The following SUGCT variants were observed in gnomAD, a reference collection of about 807,000 sequenced individuals.
SUGCT encodes the protein succinyl-CoA:glutarate CoA-transferase.
SUGCT carries 41 observed loss-of-function variants against 55.0 expected under a neutral mutation model. The observed-to-expected ratio is 0.74, with a 90% CI of 0.58 to 0.97. SUGCT has a LOEUF of 0.97. Among genes scored for constraint, SUGCT ranks in the 50% least tolerant of loss-of-function variants. The probability of loss-of-function intolerance (pLI) is 0.00; values close to 1 mark genes in which losing one functional copy is unlikely to be tolerated. For synonymous variants in SUGCT, 187 were observed against 200.4 expected (o/e 0.93, Z 0.56); for missense variants, 568 against 547.8 (o/e 1.04, Z -0.37).
At chr7:40,193,278 G>A (rs1282212977) in intron 5 of SUGCT, among the ~76,000 whole-genome samples, 10 of 104,960 alleles carry the variant, frequency 9.5e-5, no homozygotes, top group African/African-American at 3.6e-4. Flanking sequence ...GCCAATTACT[G>A]TGTTTTTTTT....
chr7:40,660,670 C>T (rs542748661), intron 12 of SUGCT, among the ~76,000 whole-genome samples: 6 of 152,166 alleles, frequency 3.9e-5, no homozygotes, highest in Non-Finnish European at 8.8e-5. Context: ...TTCATTCAGG[C>T]GGGCATACCT....
chr7:40,384,957 G>T (rs1419673788), intron 9 of SUGCT, among the ~76,000 whole-genome samples: 1 of 151,974 alleles, frequency 6.6e-6, no homozygotes, highest in Non-Finnish European at 1.5e-5. Context: ...TGTCCTCAAG[G>T]GCCTTTTCTT....
chr7:40,432,646 G>C (rs186206717), intron 9 of SUGCT, among the ~76,000 whole-genome samples: 1 of 135,286 alleles, frequency 7.4e-6, no homozygotes, highest in African/African-American at 2.8e-5. Context: ...AGATTGTGCC[G>C]CTGCACTCCA....
chr7:40,794,381 A>G (rs1410083177), intron 13 of SUGCT, among the ~76,000 whole-genome samples: 1 of 152,140 alleles, frequency 6.6e-6, no homozygotes, highest in Non-Finnish European at 1.5e-5. Context: ...TTAAATTCTC[A>G]AGGAAATTAT....
intron 9 of SUGCT, among the ~76,000 whole-genome samples, chr7:40,342,921 G>A (rs1204322010): frequency 6.6e-6 from 1 of 152,208 alleles, no homozygotes; most frequent in Non-Finnish European, 1.5e-5. Flanking sequence ...GGGATTACAG[G>A]CATGGGCCAC....
intron 12 of SUGCT, among the ~76,000 whole-genome samples, chr7:40,622,522 G>C (rs1331634495): frequency 8.2e-6 from 1 of 121,942 alleles, no homozygotes; most frequent in Non-Finnish European, 1.7e-5. Context: ...CATGTTTGTT[G>C]TGGTTGTTTT....
intron 12 of SUGCT, among the ~76,000 whole-genome samples, chr7:40,519,095 G>A (rs1288020991): frequency 6.6e-6 from 1 of 152,004 alleles, no homozygotes. Flanking sequence ...TTTTGCGATA[G>A]TATCTCCAAA....
intron 12 of SUGCT, among the ~76,000 whole-genome samples, chr7:40,550,766 T>C (rs985772063): frequency 2.0e-5 from 3 of 152,210 alleles, no homozygotes; most frequent in African/African-American, 7.2e-5. Flanking sequence ...CATTGTTCTG[T>C]TCTTTTTCCA....
At chr7:40,702,143 C>T (rs1785196115) in intron 12 of SUGCT, among the ~76,000 whole-genome samples, 1 of 152,198 alleles carries the variant, frequency 6.6e-6, no homozygotes, top group African/African-American at 2.4e-5. Flanking sequence ...CTGCCTGAGG[C>T]AGGGTGTTTG....
chr7:40,870,006 T>G, the SUGCT span, among the ~76,000 whole-genome samples: 1 of 152,208 alleles, frequency 6.6e-6, no homozygotes, highest in East Asian at 1.9e-4. Flanking sequence ...CAAGTTCCCC[T>G]TAAAAGTCCT....
chr7:40,775,954 G>C (rs745854857), intron 13 of SUGCT, among the ~76,000 whole-genome samples: 4 of 152,128 alleles, frequency 2.6e-5, no homozygotes, highest in Admixed American at 6.5e-5. Context: ...AATCTATTCT[G>C]TTAAGACATA....
chr7:40,468,773 C>T (rs1438071438), intron 11 of SUGCT, among the ~76,000 whole-genome samples: 3 of 152,214 alleles, frequency 2.0e-5, no homozygotes, highest in Admixed American at 1.3e-4. Context: ...TTTCAAACAG[C>T]GCAGGGAGGG....
At chr7:40,354,388 A>G (rs1464275588) in intron 9 of SUGCT, among the ~76,000 whole-genome samples, 3 of 152,124 alleles carry the variant, frequency 2.0e-5, no homozygotes, top group Non-Finnish European at 4.4e-5. Context: ...ACAAGAAGGA[A>G]ATGTACTTCC....
At chr7:40,557,383 C>T (rs1795605988) in intron 12 of SUGCT, among the ~76,000 whole-genome samples, 1 of 152,088 alleles carries the variant, frequency 6.6e-6, no homozygotes, top group Non-Finnish European at 1.5e-5. Context: ...GTGGATTTGG[C>T]AATGATTTCT....
chr7:40,571,450 G>A (rs1268773224), intron 12 of SUGCT, among the ~76,000 whole-genome samples: 1 of 151,958 alleles, frequency 6.6e-6, no homozygotes, highest in Non-Finnish European at 1.5e-5. Flanking sequence ...TTCTAAATTT[G>A]GTAAATGCAT....
At chr7:40,420,212 G>A (rs984188703) in intron 9 of SUGCT, among the ~76,000 whole-genome samples, 2 of 152,294 alleles carry the variant, frequency 1.3e-5, no homozygotes, top group South Asian at 2.1e-4. Flanking sequence ...ATTGGGGTAT[G>A]TTGCTGTTAC....
At chr7:40,509,355 G>A (rs959849497) in intron 12 of SUGCT, among the ~76,000 whole-genome samples, 2 of 152,030 alleles carry the variant, frequency 1.3e-5, no homozygotes, top group African/African-American at 4.8e-5. Flanking sequence ...CTGTCTTTGG[G>A]GCTATGTGGC....
At chr7:40,898,498 T>TG in the SUGCT span, among the ~76,000 whole-genome samples, 1 of 29,654 alleles carries the variant, frequency 3.4e-5, no homozygotes, top group Non-Finnish European at 8.2e-5. Context: ...GGGGGGGGGG[T>TG]GGATCACGAG....
chr7:40,865,721 G>T (rs529042196), downstream of SUGCT, among the ~76,000 whole-genome samples: 1 of 152,210 alleles, frequency 6.6e-6, no homozygotes, highest in African/African-American at 2.4e-5. Context: ...GCGTCAGGCT[G>T]GGTCTTGGAC....
Sources: gnomAD v4.1 joint callset for allele counts (sites outside exome capture counted in the v4.1 genomes callset) on GRCh38, gnomAD v4.1.1 for gene constraint, MANE v1.5 for transcripts, NCBI Gene and HGNC (gene_info 2026-07-23, HGNC 2026-07-21) for gene names.